The following PATL1 variants were observed in gnomAD, a reference collection of about 807,000 sequenced individuals.
The protein encoded by PATL1 is PAT1 homolog 1, processing body mRNA decay factor.
PATL1 carries 32 observed loss-of-function variants against 100.6 expected under a neutral mutation model. The ratio of observed to expected loss-of-function variants is 0.32; its 90% confidence interval spans 0.24 to 0.43. The LOEUF is 0.43. Among genes scored for constraint, PATL1 ranks in the 20% least tolerant of loss-of-function variants. PATL1 has a pLI of 1.00. For missense variants in PATL1, 747 were observed against 949.9 expected (o/e 0.79, Z 2.81); for synonymous variants, 332 against 330.0 (o/e 1.01, Z -0.07).
chr11:59,657,544 T>C lies in PATL1; in HGVS notation c.607A>G (p.Ser203Gly). The C allele has an allele frequency of 6.2e-7, 1 of 1,602,672 alleles. No individual in the cohort carries two copies. Among genetic ancestry groups the C allele is most frequent in the Non-Finnish European group, 8.5e-7 (1 of 1,173,756 alleles). The change falls in exon 5 of 19, where the codon AGC becomes GGC. Residue 203 changes from serine (S) to glycine (G), a missense_variant. By Grantham distance (56) the Ser-to-Gly change is moderately conservative. Transcript: ENST00000300146. ...GTPPKQMAVP[S>G]FTQQILCPKP... ...ATGAGAGGTACCTGTTGGGTGAAGC[T>C]GGGTACAGCCATCTGTTTAGGTGGG...
rs1470666656 is a variant in PATL1 at position 59,652,467 on chromosome 11, G to A, written c.1423C>T (p.Pro475Ser). Reference protein sequence around the residue: ...QVAKLEHAYKPVQFEGSLGKL... With the variant: ...QVAKLEHAYKSVQFEGSLGKL... ...ATTTTTCTTATGAGGACCTTACCTG[G>A]CTTATAGGCGTGCTCCAGTTTGGCC... is the stretch of plus-strand genomic sequence containing the variant. Residue 475 changes from proline to serine, a missense_variant, in exon 11 of 19, where the codon CCA becomes TCA. This residue lies in a region of PATL1 where 434 missense variants were observed against 596.1 expected (regional missense o/e 0.73). Transcript: ENST00000300146. 6.2e-7 allele frequency: 1 copy of A among 1,611,942 alleles called. No homozygotes were observed. The highest frequency in any genetic ancestry group is 8.5e-7 in the Non-Finnish European group (1 of 1,179,190).
At chr11:59,648,185 C>CT (rs887689437) in intron 14 of PATL1, among the ~76,000 whole-genome samples, 2,963 of 130,460 alleles carry the variant, frequency 0.023, 95 homozygotes, top group African/African-American at 0.067. Context: ...AACTTTTTTT[C>CT]TTTTTTTTTT....
chr11:59,665,773 A>C (rs972221264), intron 2 of PATL1, among the ~76,000 whole-genome samples: 3 of 152,166 alleles, frequency 2.0e-5, no homozygotes, highest in African/African-American at 7.2e-5. Context: ...GTGACAGAGC[A>C]AGACTCTGTC....
chr11:59,652,909 C>A lies in PATL1; in HGVS notation c.1231G>T (p.Asp411Tyr). The A allele has an allele frequency of 6.2e-7, 1 of 1,613,978 alleles. No homozygotes were observed. The highest frequency in any genetic ancestry group is 8.5e-7 in the Non-Finnish European group (1 of 1,179,890). ...YANLMLQREK[D>Y]WVSKIQMMQL... ...ATCATCTGGATTTTAGAGACCCAAT[C>A]CTTTTCCCGCTGCAACATGAGATTG... Residue 411 changes from aspartate (D) to tyrosine (Y), a missense_variant, in exon 10 of 19, where the codon GAT (aspartate) becomes TAT (tyrosine). Physicochemically the swap from Asp to Tyr is radical, Grantham distance 160. Coordinates refer to ENST00000300146, the MANE Select transcript of PATL1 (RefSeq NM_152716.3).
Position 59,651,572 on chromosome 11 carries a change from G to A in PATL1, c.1496C>T (p.Ala499Val). 5.0e-6 allele frequency: 8 copies of A among 1,611,246 alleles called. No individual in the cohort carries two copies. Among genetic ancestry groups the A allele is most frequent in the South Asian group, 1.1e-5 (1 of 90,900 alleles). ...SVNNPRKMID[A>V]VVTSRSEDDE... ...ATCCTCACTCCGAGATGTCACAACAGCATCAATCATTTTTCGGGGATTATT... is the reference window on the plus strand; with the variant it reads ...ATCCTCACTCCGAGATGTCACAACAACATCAATCATTTTTCGGGGATTATT... Residue 499 changes from alanine to valine, a missense_variant, in exon 12 of 19, where the codon GCT becomes GTT. Physicochemically the swap from Ala to Val is moderately conservative, Grantham distance 64 (BLOSUM62 0). Around this residue, in one of 4 missense-constraint regions of PATL1, gnomAD observed 434 missense variants for 596.1 expected, o/e 0.73. Coordinates refer to ENST00000300146, the MANE Select transcript of PATL1 (RefSeq NM_152716.3).
At chr11:59,657,216 T>G (rs184303504) in intron 5 of PATL1, 3 of 825,138 alleles carry the variant, frequency 3.6e-6, no homozygotes, top group South Asian at 1.1e-4. Context: ...GTGTTCCCAC[T>G]CCCCCCGGCT....
chr11:59,664,265 T>C (rs1414001841), intron 2 of PATL1, among the ~76,000 whole-genome samples: 2 of 152,114 alleles, frequency 1.3e-5, no homozygotes, highest in African/African-American at 2.4e-5. Flanking sequence ...CCGGACACTC[T>C]AACATCCTTT....
chr11:59,647,406 A>G (rs1206271211), intron 15 of PATL1, among the ~76,000 whole-genome samples: 2 of 152,168 alleles, frequency 1.3e-5, no homozygotes, highest in Admixed American at 6.5e-5. Context: ...TCAGCTGGAG[A>G]CTAAGATACA....
chr11:59,639,328 G>A lies in PATL1; in HGVS notation c.2105C>T (p.Ser702Leu). Residue 702 changes from serine to leucine, a missense_variant, in exon 17 of 19, where the codon TCA (serine) becomes TTA (leucine). Around this residue, in one of 4 missense-constraint regions of PATL1, gnomAD observed 434 missense variants for 596.1 expected, o/e 0.73. Coordinates refer to ENST00000300146, the MANE Select transcript of PATL1 (RefSeq NM_152716.3). ...LLSRGEDLQS[S>L]DPATESTQNN... ...TTGTGTTGATTCTGTAGCAGGGTCT[G>A]AACTCTGTAGGTCTTCACCACGGCT... 1 of 1,551,242 alleles carries A rather than the reference G, an allele frequency of 6.4e-7. No homozygotes were observed. Among genetic ancestry groups the A allele is most frequent in the Non-Finnish European group, 8.7e-7 (1 of 1,147,110 alleles).
chr11:59,651,651 C>CAAAA lies in PATL1; in HGVS notation c.1427-14_1427-11dup. 6 of 1,236,302 alleles carry CAAAA rather than the reference C, an allele frequency of 4.9e-6. No individual in the cohort carries two copies. Among genetic ancestry groups the CAAAA allele is most frequent in the East Asian group, 2.6e-5 (1 of 37,934 alleles). The allele number at this position is 1,236,302 out of a possible 1,614,324, so 76.6% of individuals were successfully genotyped here. The stretch of plus-strand genomic sequence containing the variant: ...GAGCCCTCAAATTGCACTGCAAAGA[C>CAAAA]AAAAAAAAAAAAAATTCCAACAAAA... On this transcript the variant is annotated splice_polypyrimidine_tract_variant and intron_variant, in intron 11 of 18. Transcript: ENST00000300146.
Position 59,668,916 on chromosome 11 carries a change from A to G in PATL1, c.-21T>C. 2.5e-6 allele frequency: 1 copy of G among 398,998 alleles called. No individual in the cohort carries two copies. The highest frequency in any genetic ancestry group is 4.4e-6 in the Non-Finnish European group (1 of 229,576). The allele number at this position is 398,998 out of a possible 1,614,324, so 24.7% of individuals were successfully genotyped here. On this transcript the variant is annotated 5_prime_UTR_variant, in exon 1 of 19. Coordinates refer to ENST00000300146, the MANE Select transcript of PATL1 (RefSeq NM_152716.3). ...AACATTCTTGGGGAGGGGGGCAGGG[A>G]GCGGGGAGGGGAGAGGGGGAGGGAG... is the stretch of plus-strand genomic sequence containing the variant.
chr11:59,640,002 C>T (rs1861253248), intron 16 of PATL1: 1 of 152,294 alleles, frequency 6.6e-6, no homozygotes, highest in Non-Finnish European at 1.5e-5. Context: ...CAGATGTATA[C>T]ACCGTATCTA....
rs1861536633 is a variant in PATL1 at position 59,656,512 on chromosome 11, A to G, written c.710T>C (p.Leu237Pro). 6.2e-7 allele frequency: 1 copy of G among 1,613,612 alleles called. No homozygotes were observed. Among genetic ancestry groups the G allele is most frequent in the Non-Finnish European group, 8.5e-7 (1 of 1,179,644 alleles). The change falls in exon 6 of 19, where the codon CTC becomes CCC. Residue 237 changes from leucine to proline, a missense_variant. Physicochemically the swap from Leu to Pro is moderately conservative, Grantham distance 98. Coordinates refer to ENST00000300146, the MANE Select transcript of PATL1 (RefSeq NM_152716.3). ...AAAGTGACATACCGGGACACTGCAG[A>G]GCTGGTTTGGAGACATCCTCTCACC... ...PYGERMSPNQ[L>P]CSVPNSSLLG...
rs1040424836 is a variant in PATL1, at chr11:59,657,482, G to T, written c.621+48C>A. On this transcript the variant is annotated intron_variant, in intron 5 of 18. Transcript: ENST00000300146. ...CATCACCAATTTTCCAAATAATTTT[G>T]CCCAGATTCCCAATATCCTGGGCTG... 6.4e-6 allele frequency: 9 copies of T among 1,396,994 alleles called. No individual in the cohort carries two copies. The African/African-American group carries it at 1.0e-4, about 16-fold the overall frequency. 86.5% of individuals were successfully genotyped at this position (1,396,994 alleles called of 1,614,324 possible).
rs1032182991 is a variant in PATL1 at position 59,655,905 on chromosome 11, C to T, written c.813+51G>A. 9.6e-6 allele frequency: 14 copies of T among 1,455,240 alleles called. No individual in the cohort carries two copies. In the African/African-American group the frequency reaches 1.8e-4, roughly 19 times the overall value. 90.1% of individuals were successfully genotyped at this position (1,455,240 alleles called of 1,614,324 possible). ...AAAAAAGGGGCTATTATCTAATGAACTTTAGGAAAGTAGGAGAGTTCTTTA... is the reference window on the plus strand; with the variant it reads ...AAAAAAGGGGCTATTATCTAATGAATTTTAGGAAAGTAGGAGAGTTCTTTA... On this transcript the variant is annotated intron_variant, in intron 7 of 18. Coordinates refer to ENST00000300146, the MANE Select transcript of PATL1 (RefSeq NM_152716.3).
Position 59,666,893 on chromosome 11 carries a change from A to G in PATL1, c.87T>C (p.Ile29=). Reference sequence around the variant, plus strand: ...CAAATGTATCATCATTGAATTGATCAATCTCTTCATCTTCTTCTCCCAGTC... The same window carrying G: ...CAAATGTATCATCATTGAATTGATCGATCTCTTCATCTTCTTCTCCCAGTC... The part of the protein sequence containing the change: ...FQGLGEEDEE[I]DQFNDDTFGS... Residue 29 remains isoleucine, a synonymous_variant, in exon 2 of 19, where the codon ATT becomes ATC. Transcript: ENST00000300146. 6.4e-7 allele frequency: 1 copy of G among 1,551,208 alleles called. No homozygotes were observed. The highest frequency in any genetic ancestry group is 8.7e-7 in the Non-Finnish European group (1 of 1,146,834).
At position 59,640,501 on chromosome 11, in the gene PATL1, A is replaced by G. The variant is rs186786995; in HGVS notation, c.2050-1118T>C. ...TTGGGAGGCCAAGGCGGGTGGATCA[A>G]GAGGTCAGGAGATCGAGATCATCCT... On this transcript the variant is annotated intron_variant, in intron 16 of 18. Coordinates refer to ENST00000300146, the MANE Select transcript of PATL1 (RefSeq NM_152716.3). Among the ~76,000 whole-genome samples the G allele has an allele frequency of 4.9e-3, 712 of 144,028 alleles. 3 individuals carry two copies. The highest frequency in any genetic ancestry group is 0.015 in the Middle Eastern group (3 of 196). 94.5% of individuals were successfully genotyped at this position (144,028 alleles called of 152,430 possible).
rs1861211589 is a variant in PATL1 at position 59,637,676 on chromosome 11, T to A, written c.*714A>T. 6.6e-6 allele frequency: 1 copy of A among 152,318 alleles called. No individual in the cohort carries two copies. The highest frequency in any genetic ancestry group is 2.4e-5 in the African/African-American group (1 of 41,468). The allele number at this position is 152,318 out of a possible 1,614,324, so 9.4% of individuals were successfully genotyped here. On this transcript the variant is annotated 3_prime_UTR_variant, in exon 19 of 19. Transcript: ENST00000300146. ...AGGTGGGAAGAAGAAAAAGGACTTC[T>A]CAGCCTAGACCTGGGCATAAGCCAA...
At position 59,638,248 on chromosome 11, in the gene PATL1, C is replaced by T. The variant is rs1389934659; in HGVS notation, c.*142G>A. 2.5e-6 allele frequency: 2 copies of T among 797,474 alleles called. No homozygotes were observed. Among genetic ancestry groups the T allele is most frequent in the Non-Finnish European group, 4.2e-6 (2 of 480,396 alleles). 49.4% of individuals were successfully genotyped at this position (797,474 alleles called of 1,614,324 possible). A position where few individuals can be genotyped will look rare whatever the true frequency, so the allele number is the denominator to read the frequency against. On this transcript the variant is annotated 3_prime_UTR_variant, in exon 19 of 19. Coordinates refer to ENST00000300146, the MANE Select transcript of PATL1 (RefSeq NM_152716.3). ...AAATATCTGACATTTAGAGAGACAA[C>T]CCCTGTAAACAGGAATCGATCCCAC... is the stretch of plus-strand genomic sequence containing the variant.
Sources: gnomAD v4.1 joint callset for allele counts (sites outside exome capture counted in the v4.1 genomes callset) on GRCh38, gnomAD v4.1.1 for gene constraint, gnomAD v4.1.1 regional missense constraint, MANE v1.5 for transcripts, NCBI Gene and HGNC (gene_info 2026-07-23, HGNC 2026-07-21) for gene names.